PMM2: variants seen among roughly 807,000 people sequenced by gnomAD.
The protein encoded by PMM2 is mannose-6-phosphate isomerase.
Under a neutral mutation model 33.2 loss-of-function variants are expected in PMM2, and 35 were observed. The ratio of observed to expected loss-of-function variants is 1.06; its 90% CI spans 0.81 to 1.40. PMM2 has a LOEUF of 1.40. Ranked by LOEUF, PMM2 falls within the 40% of genes most tolerant of loss-of-function variation. The probability of loss-of-function intolerance (pLI) is 0.00; values close to 1 mark genes in which losing one functional copy is unlikely to be tolerated. For synonymous variants in PMM2, 153 were observed against 114.7 expected, an observed-to-expected ratio of 1.33 and a Z score of -2.13; for missense variants, 386 against 306.0, an observed-to-expected ratio of 1.26 and a Z score of -1.95.
chr16:8,833,812 A>T (rs2060826633), intron 7 of PMM2, among the ~76,000 whole-genome samples: 1 of 152,186 alleles, frequency 6.6e-6, no homozygotes. Context: ...ATGACATCTG[A>T]TTAGAGAGTG....
chr16:8,847,221 A>T (rs1415303623), intron 7 of PMM2, among the ~76,000 whole-genome samples: 1 of 152,246 alleles, frequency 6.6e-6, no homozygotes, highest in Non-Finnish European at 1.5e-5. Flanking sequence ...TGCATTGGCC[A>T]CGTTTCAAGT....
chr16:8,841,941 T>G (rs1307446901), intron 7 of PMM2, among the ~76,000 whole-genome samples: 1 of 150,952 alleles, frequency 6.6e-6, no homozygotes, highest in Non-Finnish European at 1.5e-5. Flanking sequence ...TTATGAGAAA[T>G]GTAGAGAGTG....
rs370860106 is a variant in PMM2 at position 8,847,826 on chromosome 16, C to G, written c.*1C>G. 1.9e-6 allele frequency: 3 copies of G among 1,609,468 alleles called. No homozygotes were observed. The African/African-American group carries it at 4.0e-5, about 21-fold the overall frequency. ...GATCTGTGAACTGCTGTTCTCCTAA[C>G]GTGGGAGCGGGAGGGGCGGGGTCCC... is the stretch of plus-strand genomic sequence containing the variant. On this transcript the variant is annotated 3_prime_UTR_variant, in exon 8 of 8. Coordinates refer to ENST00000268261, the MANE Select transcript of PMM2 (RefSeq NM_000303.3).
chr16:8,804,518 A>G (rs779653761), intron 2 of PMM2, among the ~76,000 whole-genome samples: 3 of 152,186 alleles, frequency 2.0e-5, no homozygotes, highest in Non-Finnish European at 4.4e-5. Flanking sequence ...AGTCAGGGAC[A>G]TAAGATAACC....
intron 7 of PMM2, among the ~76,000 whole-genome samples, chr16:8,818,397 C>T (rs750799979): frequency 6.6e-6 from 1 of 152,188 alleles, no homozygotes; most frequent in Non-Finnish European, 1.5e-5. Flanking sequence ...AATTAGCAGT[C>T]CAGCCATGTA....
At chr16:8,835,991 T>G (rs1019381344) in intron 7 of PMM2, among the ~76,000 whole-genome samples, 7 of 132,550 alleles carry the variant, frequency 5.3e-5, no homozygotes, top group Non-Finnish European at 9.7e-5. Context: ...TGTCTCGGCC[T>G]AATAAGGGAA....
chr16:8,803,139 C>T (rs2060625600), intron 2 of PMM2, among the ~76,000 whole-genome samples: 1 of 152,146 alleles, frequency 6.6e-6, no homozygotes, highest in Admixed American at 6.6e-5. Context: ...AAATTACCCC[C>T]GTTTGAGAAC....
chr16:8,828,007 G>T (rs2060787729), intron 7 of PMM2, among the ~76,000 whole-genome samples: 4 of 100,258 alleles, frequency 4.0e-5, no homozygotes, highest in East Asian at 2.9e-4. Flanking sequence ...TAATTAAGCA[G>T]ATTTTAACTG....
At chr16:8,826,015 A>G (rs1307715621) in intron 7 of PMM2, among the ~76,000 whole-genome samples, 1 of 152,158 alleles carries the variant, frequency 6.6e-6, no homozygotes, top group Admixed American at 6.5e-5. Context: ...CGGCCTTCCA[A>G]AGTGCTAGGA....
chr16:8,808,649 G>C (rs1015402007), intron 4 of PMM2: 1 of 152,238 alleles, frequency 6.6e-6, no homozygotes, highest in Non-Finnish European at 1.5e-5. Context: ...TTTTGGGGAA[G>C]GCTTTCTAAA....
rs1281138749 is a variant in PMM2 at position 8,813,062 on chromosome 16, G to C, written c.595G>C (p.Asp199His). The part of the protein sequence containing the change: ...KRYCLRHVEN[D>H]GYKTIYFFGD... The stretch of plus-strand genomic sequence containing the variant: ...ATACTGTCTGCGACATGTGGAAAAT[G>C]ACGGTTATAAGACCATTTATTTCTT... Residue 199 changes from aspartate (D) to histidine (H), a missense_variant, in exon 7 of 8, where the codon GAC becomes CAC. By Grantham distance (81) the Asp-to-His change is moderately conservative. Coordinates refer to ENST00000268261, the MANE Select transcript of PMM2 (RefSeq NM_000303.3). 3.7e-6 allele frequency: 6 copies of C among 1,612,954 alleles called. No individual in the cohort carries two copies. The highest frequency in any genetic ancestry group is 5.1e-6 in the Non-Finnish European group (6 of 1,178,960).
In PMM2 at chr16:8,845,665, G is replaced by A. The variant is rs548947071; in HGVS notation, c.640-2059G>A. On this transcript the variant is annotated intron_variant, in intron 7 of 7. Transcript: ENST00000268261. ...CTGTTCTTGGCTCACTGCAATCTCC[G>A]CCTCCCAGGTTCAAGTGATTCTCCT... Among the ~76,000 whole-genome samples, 182 of 151,722 alleles carry A rather than the reference G, an allele frequency of 1.2e-3. 2 individuals are homozygous for A. Among genetic ancestry groups the A allele is most frequent in the South Asian group, 6.9e-3 (33 of 4,790 alleles).
intron 1 of PMM2, among the ~76,000 whole-genome samples, 166 bp downstream of exon 1, chr16:8,798,114 C>A (rs1329096704): frequency 6.6e-6 from 1 of 152,172 alleles, no homozygotes; most frequent in East Asian, 1.9e-4. Flanking sequence ...AGAGGGAGGC[C>A]CTAACCAGCT....
intron 5 of PMM2, among the ~76,000 whole-genome samples, chr16:8,811,397 G>T (rs1397532357): frequency 1.3e-5 from 2 of 152,202 alleles, no homozygotes; most frequent in African/African-American, 4.8e-5. Flanking sequence ...GCACACACCT[G>T]TGGTCCCGGC....
At chr16:8,829,708 C>G (rs1226554966) in intron 7 of PMM2, among the ~76,000 whole-genome samples, 1 of 152,050 alleles carries the variant, frequency 6.6e-6, no homozygotes, top group Non-Finnish European at 1.5e-5. Flanking sequence ...TCGAGGCAGC[C>G]CTGTCAAACT....
chr16:8,845,350 G>C (rs924427022), intron 7 of PMM2, among the ~76,000 whole-genome samples: 2 of 152,172 alleles, frequency 1.3e-5, no homozygotes, highest in Admixed American at 1.3e-4. Flanking sequence ...CATCAGTTAA[G>C]GCTATTTTTA....
At chr16:8,839,143 G>A (rs899762134) in intron 7 of PMM2, among the ~76,000 whole-genome samples, 3 of 151,958 alleles carry the variant, frequency 2.0e-5, no homozygotes, top group Non-Finnish European at 4.4e-5. Context: ...GGGAATTAGT[G>A]GAATGACTCT....
At chr16:8,802,801 G>A in intron 2 of PMM2, among the ~76,000 whole-genome samples, 1 of 149,810 alleles carries the variant, frequency 6.7e-6, no homozygotes, top group Admixed American at 6.7e-5. Flanking sequence ...TTGCACTCCA[G>A]CCTGGGCAAT....
In PMM2 at chr16:8,848,077, C is replaced by T; in HGVS notation, c.*252C>T. 1 of 510,296 alleles carries T rather than the reference C, an allele frequency of 2.0e-6. No individual in the cohort carries two copies. Among genetic ancestry groups the T allele is most frequent in the Non-Finnish European group, 3.6e-6 (1 of 279,772 alleles). The allele number at this position is 510,296 out of a possible 1,614,324, so 31.6% of individuals were successfully genotyped here. On this transcript the variant is annotated 3_prime_UTR_variant, in exon 8 of 8. Coordinates refer to ENST00000268261, the MANE Select transcript of PMM2 (RefSeq NM_000303.3). Reference sequence around the variant, plus strand: ...GGTCTTCCCCACCCACCCCCAGCCCCCTAGTCTAATACCCACCCTGATACG... The same window carrying T: ...GGTCTTCCCCACCCACCCCCAGCCCTCTAGTCTAATACCCACCCTGATACG...
Sources: allele counts gnomAD v4.1 joint callset (sites outside exome capture counted in the v4.1 genomes callset), GRCh38; gene constraint gnomAD v4.1.1; transcripts MANE v1.5; gene names NCBI Gene and HGNC (gene_info 2026-07-23, HGNC 2026-07-21).